ANO4: variants seen among roughly 807,000 people sequenced by gnomAD.
The protein encoded by ANO4 is anoctamin 4.
In ANO4, 69 loss-of-function variants were observed where a neutral mutation model predicts 141.9. That is an observed-to-expected ratio of 0.49 (90% confidence interval 0.40 to 0.59). The LOEUF (loss-of-function observed/expected upper bound fraction) is 0.59, where lower values mean the gene tolerates loss of function less well. Ranked by LOEUF, ANO4 falls within the 20% of genes least tolerant of loss-of-function variation. ANO4 has a pLI of 0.00. For synonymous variants in ANO4, 350 were observed against 394.3 expected, an observed-to-expected ratio of 0.89 and a Z score of 1.33; for missense variants, 894 against 1,162.2, an observed-to-expected ratio of 0.77 and a Z score of 3.36.
intron 3 of ANO4, among the ~76,000 whole-genome samples, chr12:100,783,979 T>C (rs1003652315): frequency 2.2e-4 from 16 of 72,692 alleles, no homozygotes; most frequent in Non-Finnish European, 3.7e-4. Flanking sequence ...TGGAGTGTAG[T>C]GTGGAAGAAC....
chr12:101,042,504 A>T (rs370933357), intron 12 of ANO4, 36 bp downstream of exon 12: 1 of 1,612,800 alleles, frequency 6.2e-7, no homozygotes, highest in Non-Finnish European at 8.5e-7. Flanking sequence ...GCCTTTGTTT[A>T]GTACTTAGAG....
intron 13 of ANO4, 127 bp from the exon 14 acceptor site, chr12:101,048,214 C>G (rs2047708942): frequency 1.2e-5 from 14 of 1,138,190 alleles, no homozygotes; most frequent in Non-Finnish European, 1.7e-5. Context: ...GGAATATTCC[C>G]CCTACCCAAA....
chr12:100,875,541 C>T (rs1340047083), intron 1 of ANO4, among the ~76,000 whole-genome samples: 1 of 152,204 alleles, frequency 6.6e-6, no homozygotes, highest in African/African-American at 2.4e-5. Flanking sequence ...TTATCTATAA[C>T]TGCCCCTAAA....
At chr12:100,721,161 T>A (rs139346235) in intron 1 of ANO4, among the ~76,000 whole-genome samples, 2 of 151,658 alleles carry the variant, frequency 1.3e-5, no homozygotes, top group East Asian at 3.9e-4. Context: ...CATCACAAAC[T>A]CAATGTGTCC....
intron 22 of ANO4, among the ~76,000 whole-genome samples, chr12:101,101,246 T>G (rs967575083): frequency 3.9e-5 from 6 of 152,198 alleles, no homozygotes; most frequent in African/African-American, 1.4e-4. Context: ...TAGATTAACT[T>G]TACCTTTGTT....
chr12:100,755,853 A>C (rs913046074), intron 3 of ANO4, among the ~76,000 whole-genome samples: 1 of 152,160 alleles, frequency 6.6e-6, no homozygotes, highest in Admixed American at 6.5e-5. Context: ...TTGAAACCTT[A>C]ACATTTAACC....
chr12:100,962,139 T>G (rs1190948582), intron 5 of ANO4, among the ~76,000 whole-genome samples: 1 of 152,206 alleles, frequency 6.6e-6, no homozygotes, highest in Non-Finnish European at 1.5e-5. Flanking sequence ...TCTCATAAAT[T>G]TAGCCACATT....
At chr12:101,063,633 T>C (rs1437975321) in intron 14 of ANO4, among the ~76,000 whole-genome samples, 2 of 151,960 alleles carry the variant, frequency 1.3e-5, no homozygotes, top group Non-Finnish European at 2.9e-5. Context: ...ATTTCCATCT[T>C]GAATGTTTGG....
chr12:100,870,635 T>C (rs2038984415), intron 1 of ANO4, among the ~76,000 whole-genome samples: 1 of 152,160 alleles, frequency 6.6e-6, no homozygotes, highest in Non-Finnish European at 1.5e-5. Flanking sequence ...ATTGCTTTCA[T>C]TTAAATTTTA....
chr12:100,894,921 C>T (rs978579201), intron 1 of ANO4, among the ~76,000 whole-genome samples: 7 of 148,800 alleles, frequency 4.7e-5, no homozygotes, highest in African/African-American at 1.7e-4. Flanking sequence ...AGCCGAGATC[C>T]CGCCACTGCA....
At chr12:100,984,044 G>A (rs2044600249) in intron 7 of ANO4, among the ~76,000 whole-genome samples, 1 of 152,056 alleles carries the variant, frequency 6.6e-6, no homozygotes, top group Admixed American at 6.6e-5. Flanking sequence ...AGGCTCCTCA[G>A]TGAAGGCCAG....
At chr12:100,828,635 C>T (rs1463635036) in intron 1 of ANO4, among the ~76,000 whole-genome samples, 1 of 151,874 alleles carries the variant, frequency 6.6e-6, no homozygotes, top group Non-Finnish European at 1.5e-5. Flanking sequence ...ATTGTAAAGG[C>T]GATGAGGATA....
At chr12:100,742,396 A>T (rs999394216) in intron 3 of ANO4, among the ~76,000 whole-genome samples, 1 of 152,098 alleles carries the variant, frequency 6.6e-6, no homozygotes, top group Non-Finnish European at 1.5e-5. Context: ...TGTTTAAAAA[A>T]TACAGTTTTA....
intron 8 of ANO4, among the ~76,000 whole-genome samples, chr12:100,991,298 A>C (rs1226209244): frequency 6.6e-6 from 1 of 152,188 alleles, no homozygotes; most frequent in East Asian, 1.9e-4. Flanking sequence ...TTTGAGAGTG[A>C]CATTAATGGA....
intron 5 of ANO4, among the ~76,000 whole-genome samples, chr12:100,966,314 A>T (rs780066667): frequency 3.3e-5 from 5 of 152,234 alleles, no homozygotes; most frequent in Non-Finnish European, 7.3e-5. Flanking sequence ...TAAGATATGC[A>T]TTGCTATCAT....
At chr12:100,905,808 G>C (rs1179127337) in intron 2 of ANO4, among the ~76,000 whole-genome samples, 1 of 152,204 alleles carries the variant, frequency 6.6e-6, no homozygotes, top group African/African-American at 2.4e-5. Context: ...GTGGGCATCA[G>C]TGAGAGGATG....
chr12:100,801,705 T>A (rs901492164), intron 1 of ANO4, among the ~76,000 whole-genome samples: 3 of 118,402 alleles, frequency 2.5e-5, no homozygotes, highest in African/African-American at 3.4e-5. Context: ...AAAGTTATGA[T>A]GGTCGTGCCA....
At chr12:100,755,823 C>T (rs974695212) in intron 3 of ANO4, among the ~76,000 whole-genome samples, 1 of 152,174 alleles carries the variant, frequency 6.6e-6, no homozygotes, top group African/African-American at 2.4e-5. Context: ...CTCTCCTCTC[C>T]CTTTGCTATC....
At chr12:100,821,648 T>C (rs140595018) in intron 1 of ANO4, among the ~76,000 whole-genome samples, 200 of 152,108 alleles carry the variant, frequency 1.3e-3, no homozygotes, top group African/African-American at 4.4e-3. Context: ...TTGAAGAGTG[T>C]TACGTGTCAG....
Sources: gnomAD v4.1 joint callset for allele counts (sites outside exome capture counted in the v4.1 genomes callset) on GRCh38, gnomAD v4.1.1 for gene constraint, MANE v1.5 for transcripts, NCBI Gene and HGNC (gene_info 2026-07-23, HGNC 2026-07-21) for gene names.